TPP2: variants seen among roughly 807,000 people sequenced by gnomAD.
TPP2 encodes the protein tripeptidyl-peptidase 2.
In TPP2, 34 loss-of-function variants were observed where a neutral mutation model predicts 155.9. That is an observed-to-expected ratio of 0.22 (90% CI 0.17 to 0.29). The LOEUF (loss-of-function observed/expected upper bound fraction) is 0.29, where lower values mean the gene tolerates loss of function less well. Ranked by LOEUF, TPP2 falls within the 10% of genes least tolerant of loss-of-function variation. The pLI, the probability that TPP2 is intolerant of heterozygous loss-of-function variation, is 1.00. For missense variants in TPP2, 1,028 were observed against 1,522.3 expected (o/e 0.68, Z 5.40); for synonymous variants, 510 against 529.4 (o/e 0.96, Z 0.50).
chr13:102,632,687 C>A (rs1882099037), intron 10 of TPP2, among the ~76,000 whole-genome samples: 1 of 152,046 alleles, frequency 6.6e-6, no homozygotes, highest in Admixed American at 6.6e-5. Context: ...TATCAAATAC[C>A]AATGCTCATT....
chr13:102,671,308 T>C (rs1884967538), intron 27 of TPP2, among the ~76,000 whole-genome samples: 1 of 152,184 alleles, frequency 6.6e-6, no homozygotes, highest in South Asian at 2.1e-4. Context: ...TTTGCCAGAC[T>C]TTTTGGGAAT....
rs1223195065 is a variant in TPP2 at position 102,679,354 on chromosome 13, T to C, written c.*1038T>C. 6.6e-6 allele frequency: 1 copy of C among 152,246 alleles called. No homozygotes were observed. 9.4% of individuals were successfully genotyped at this position (152,246 alleles called of 1,614,324 possible). ...TAACTTTTGTGCATATCTAACTTTT[T>C]ATTATTTTTATCTTTGGCTACTGCA... On this transcript the variant is annotated 3_prime_UTR_variant, in exon 30 of 30. Transcript: ENST00000376052.
chr13:102,646,436 G>A, intron 20 of TPP2, 46 bp downstream of exon 20: 1 of 1,474,582 alleles, frequency 6.8e-7, no homozygotes, highest in Non-Finnish European at 9.3e-7. Flanking sequence ...GAACTTTTGT[G>A]TTTTATTTAT....
rs745311015 is a variant in TPP2 at position 102,651,400 on chromosome 13, A to G, written c.2991+3A>G. The G allele has an allele frequency of 5.7e-6, 9 of 1,576,108 alleles. No homozygotes were observed. The highest frequency in any genetic ancestry group is 7.8e-6 in the Non-Finnish European group (9 of 1,159,934). ...AACGACAAGGAAAATTTAAAAAGGT[A>G]CTGATTGTCAGTTCTTAAAAAAGAT... On this transcript the variant is annotated splice_donor_region_variant and intron_variant, in intron 24 of 29. Coordinates refer to ENST00000376052, the MANE Select transcript of TPP2 (RefSeq NM_001330588.2).
intron 11 of TPP2, 105 bp downstream of exon 11, chr13:102,634,203 CAA>C (rs944295164): frequency 1.1e-5 from 16 of 1,459,704 alleles, no homozygotes; most frequent in Non-Finnish European, 1.5e-5. Context: ...TCCCTGGGCA[CAA>C]AGTAGAGTTT....
At chr13:102,622,396 AG>A (rs1595152668) in intron 5 of TPP2, among the ~76,000 whole-genome samples, 1 of 152,256 alleles carries the variant, frequency 6.6e-6, no homozygotes, top group Admixed American at 6.5e-5. Context: ...AAAGTAATGT[AG>A]AAAATGCCTT....
chr13:102,612,577 AT>A (rs1186283081), intron 2 of TPP2, among the ~76,000 whole-genome samples: 4 of 152,232 alleles, frequency 2.6e-5, no homozygotes, highest in African/African-American at 9.6e-5. Flanking sequence ...TAATTGCCTC[AT>A]AAAGTTAGCT....
At chr13:102,611,649 A>C (rs1452321315) in intron 2 of TPP2, among the ~76,000 whole-genome samples, 1 of 151,984 alleles carries the variant, frequency 6.6e-6, no homozygotes, top group African/African-American at 2.4e-5. Context: ...ACAGAGCGAG[A>C]CTCCTTCTCA....
At chr13:102,662,923 TTTA>T (rs1884326689) in intron 25 of TPP2, among the ~76,000 whole-genome samples, 1 of 152,060 alleles carries the variant, frequency 6.6e-6, no homozygotes, top group Non-Finnish European at 1.5e-5. Flanking sequence ...AGTTTAAATT[TTTA>T]TTTTTTCTAG....
At chr13:102,605,127 C>CCAGTCGCCCA (rs1879722609) in intron 2 of TPP2, among the ~76,000 whole-genome samples, 1 of 151,804 alleles carries the variant, frequency 6.6e-6, no homozygotes, top group South Asian at 2.1e-4. Context: ...TAACGGGGTT[C>CCAGTCGCCCA]CAGTCGCCCT....
intron 17 of TPP2, among the ~76,000 whole-genome samples, chr13:102,644,147 TA>T (rs1323004599): frequency 6.6e-6 from 1 of 152,224 alleles, no homozygotes; most frequent in Non-Finnish European, 1.5e-5. Context: ...GGTTGCCAGG[TA>T]GCTGTGAGCC....
chr13:102,635,739 T>G (rs765560922), intron 12 of TPP2, 37 bp downstream of exon 12: 3 of 1,432,222 alleles, frequency 2.1e-6, no homozygotes, highest in Non-Finnish European at 2.9e-6. Flanking sequence ...TTGTAAAGCA[T>G]CATTGAGATA....
Position 102,635,693 on chromosome 13 carries a change from T to A in TPP2, c.1500T>A (p.Gly500=). The A allele has an allele frequency of 6.2e-7, 1 of 1,611,614 alleles. No individual in the cohort carries two copies. Among genetic ancestry groups the A allele is most frequent in the Non-Finnish European group, 8.5e-7 (1 of 1,178,594 alleles). Residue 500 remains glycine (G), a synonymous_variant, in exon 12 of 30, where the codon GGT becomes GGA. Coordinates refer to ENST00000376052, the MANE Select transcript of TPP2 (RefSeq NM_001330588.2). ...DNIEVFAQGH[G]IIQVDKAYDY... ...TAGAAGTATTTGCTCAAGGACATGG[T>A]ATTATTCAGGTATTGTTGCCTATAT...
At chr13:102,600,174 C>T (rs757404581) in intron 1 of TPP2, among the ~76,000 whole-genome samples, 1 of 152,128 alleles carries the variant, frequency 6.6e-6, no homozygotes, top group Non-Finnish European at 1.5e-5. Context: ...CCCTTCATCC[C>T]CACCTTTCAT....
At position 102,597,213 on chromosome 13, in the gene TPP2, C is replaced by T. The variant is rs760935195; in HGVS notation, c.165+10C>T. On this transcript the variant is annotated intron_variant, in intron 1 of 29. Transcript: ENST00000376052. The stretch of plus-strand genomic sequence containing the variant: ...GGCTCCGGGCATGCAGGTGAGGCGG[C>T]CCCCGAGGGCCCGGGCGCGGGGGCG... The T allele has an allele frequency of 5.8e-6, 8 of 1,373,696 alleles. No individual in the cohort carries two copies. The East Asian group carries it at 8.7e-5, about 15-fold the overall frequency. The allele number at this position is 1,373,696 out of a possible 1,614,324, so 85.1% of individuals were successfully genotyped here.
intron 7 of TPP2, among the ~76,000 whole-genome samples, 164 bp downstream of exon 7, chr13:102,627,330 T>G (rs1881694530): frequency 6.6e-6 from 1 of 152,092 alleles, no homozygotes; most frequent in African/African-American, 2.4e-5. Context: ...TTAAATTATT[T>G]TTATTAAATA....
At chr13:102,663,394 C>T (rs1204437097) in intron 25 of TPP2, among the ~76,000 whole-genome samples, 1 of 152,226 alleles carries the variant, frequency 6.6e-6, no homozygotes, top group Non-Finnish European at 1.5e-5. Context: ...GATCCGCCTG[C>T]CTTGGCCTCC....
chr13:102,615,280 G>A (rs917406144), intron 3 of TPP2, among the ~76,000 whole-genome samples: 2 of 152,148 alleles, frequency 1.3e-5, no homozygotes, highest in Non-Finnish European at 2.9e-5. Flanking sequence ...CTCCCATGTA[G>A]TTGGGACTAC....
chr13:102,597,162 G>A lies in TPP2; in HGVS notation c.124G>A (p.Val42Ile). The A allele has an allele frequency of 6.3e-7, 1 of 1,589,630 alleles. No homozygotes were observed. Among genetic ancestry groups the A allele is most frequent in the Non-Finnish European group, 8.6e-7 (1 of 1,168,778 alleles). Reference sequence around the variant, plus strand: ...TGATGGGCGGGGGGTGCTCATCGCAGTCCTGGACACGGGGGTCGACCCGGG... The same window carrying A: ...TGATGGGCGGGGGGTGCTCATCGCAATCCTGGACACGGGGGTCGACCCGGG... ...EYDGRGVLIA[V>I]LDTGVDPGAP... The change falls in exon 1 of 30, where the codon GTC (valine) becomes ATC (isoleucine). Residue 42 changes from valine (V) to isoleucine (I), a missense_variant. Coordinates refer to ENST00000376052, the MANE Select transcript of TPP2 (RefSeq NM_001330588.2).
Sources: gnomAD v4.1 joint callset for allele counts (sites outside exome capture counted in the v4.1 genomes callset) on GRCh38, gnomAD v4.1.1 for gene constraint, MANE v1.5 for transcripts, NCBI Gene and HGNC (gene_info 2026-07-23, HGNC 2026-07-21) for gene names.